Variants in MRPS10 observed in about 807,000 individuals in gnomAD.
MRPS10 encodes mitochondrial ribosomal protein S10.
Under a neutral mutation model 27.5 loss-of-function variants are expected in MRPS10, and 23 were observed. The observed-to-expected ratio is 0.84, with a 90% CI of 0.60 to 1.18. The LOEUF (loss-of-function observed/expected upper bound fraction) is 1.18. MRPS10 is among the 50% of genes most tolerant of loss of function. The probability of loss-of-function intolerance (pLI) is 0.00; values close to 1 mark genes in which losing one functional copy is unlikely to be tolerated. For synonymous variants in MRPS10, 88 were observed against 84.2 expected (o/e 1.04, Z -0.25); for missense variants, 237 against 240.1 (o/e 0.99, Z 0.09).
In MRPS10 at chr6:42,210,590, T is replaced by C. The variant is rs1275942049; in HGVS notation, c.330A>G (p.Glu110=). ...TAAATCGCTCTATTTTCCTTGGAGG[T>C]TCATGTCTGAAATTAATGGACAAAA... is the stretch of plus-strand genomic sequence containing the variant. ...KELGISIKVH[E]PPRKIERFTL... Residue 110 remains glutamate, a synonymous_variant, in exon 5 of 7, where the codon GAA becomes GAG. Coordinates refer to ENST00000053468, the MANE Select transcript of MRPS10 (RefSeq NM_018141.4). The C allele has an allele frequency of 6.9e-7, 1 of 1,455,520 alleles. No individual in the cohort carries two copies. The highest frequency in any genetic ancestry group is 2.5e-5 in the East Asian group (1 of 40,658). The allele number at this position is 1,455,520 out of a possible 1,614,324, so 90.2% of individuals were successfully genotyped here. A position where few individuals can be genotyped will look rare whatever the true frequency, so the allele number is the denominator to read the frequency against.
At chr6:42,212,336 C>A (rs1423044114) in intron 3 of MRPS10, among the ~76,000 whole-genome samples, 1 of 152,206 alleles carries the variant, frequency 6.6e-6, no homozygotes, top group African/African-American at 2.4e-5. Flanking sequence ...CATTAGTTTC[C>A]TCACATATGA....
rs1768622738 is a variant in MRPS10, at chr6:42,207,262, C to G, written c.*1027G>C. Reference sequence around the variant, plus strand: ...TTGAGACGGCGTCTCGCTCTGTCGCCAGGCTGGAGTGCAGTGGCGCGATCT... The same window carrying G: ...TTGAGACGGCGTCTCGCTCTGTCGCGAGGCTGGAGTGCAGTGGCGCGATCT... On this transcript the variant is annotated 3_prime_UTR_variant, in exon 7 of 7. Coordinates refer to ENST00000053468, the MANE Select transcript of MRPS10 (RefSeq NM_018141.4). The G allele has an allele frequency of 6.6e-6, 1 of 151,918 alleles. No homozygotes were observed. The allele number at this position is 151,918 out of a possible 1,614,324, so 9.4% of individuals were successfully genotyped here.
rs1331634248 is a variant in MRPS10, at chr6:42,207,050, T to C, written c.*1239A>G. ...ATGAAGCACTTCTCTGGGGTTGCTA[T>C]ACCAACTGTTTCAGCCCATTGTAGT... is the stretch of plus-strand genomic sequence containing the variant. On this transcript the variant is annotated 3_prime_UTR_variant, in exon 7 of 7. Transcript: ENST00000053468. 6.6e-6 allele frequency: 1 copy of C among 152,176 alleles called. No homozygotes were observed. The highest frequency in any genetic ancestry group is 1.5e-5 in the Non-Finnish European group (1 of 68,006). The allele number at this position is 152,176 out of a possible 1,614,324, so 9.4% of individuals were successfully genotyped here.
intron 1 of MRPS10, among the ~76,000 whole-genome samples, chr6:42,217,443 T>C (rs528163463): frequency 1.3e-5 from 2 of 152,300 alleles, no homozygotes; most frequent in African/African-American, 4.8e-5. Context: ...GAGTCTGATA[T>C]CTTGCACCAG....
At chr6:42,215,848 ACAAAGTG>A (rs1227666992) in intron 1 of MRPS10, among the ~76,000 whole-genome samples, 3 of 152,168 alleles carry the variant, frequency 2.0e-5, no homozygotes, top group African/African-American at 7.2e-5. Flanking sequence ...CAGGTACAAC[ACAAAGTG>A]GTAAGAGGTA....
rs774962004 is a variant in MRPS10, at chr6:42,211,796, C to A, written c.308G>T (p.Gly103Val). ...YFAVLAAKEL[G>V]ISIKVHEPPR... ...CCATACTCACACTTTAATAGAGATACCAAGTTCTTTAGCAGCAAGCACAGC... is the reference window on the plus strand; with the variant it reads ...CCATACTCACACTTTAATAGAGATAACAAGTTCTTTAGCAGCAAGCACAGC... The change falls in exon 4 of 7, where the codon GGT (glycine) becomes GTT (valine). Residue 103 changes from glycine (G) to valine (V), a missense_variant. By Grantham distance (109) the Gly-to-Val change is moderately radical (BLOSUM62 -3). Coordinates refer to ENST00000053468, the MANE Select transcript of MRPS10 (RefSeq NM_018141.4). 5 of 1,613,148 alleles carry A rather than the reference C, an allele frequency of 3.1e-6. No homozygotes were observed. The Admixed American group carries it at 5.0e-5, about 16-fold the overall frequency.
chr6:42,211,037 G>A (rs1421153974), intron 4 of MRPS10, among the ~76,000 whole-genome samples: 2 of 152,182 alleles, frequency 1.3e-5, no homozygotes, highest in African/African-American at 4.8e-5. Context: ...TTCTGTTTTT[G>A]TCAGAAGGCC....
intron 3 of MRPS10, among the ~76,000 whole-genome samples, chr6:42,212,580 C>T (rs937585057): frequency 3.3e-5 from 5 of 152,196 alleles, no homozygotes; most frequent in Non-Finnish European, 7.3e-5. Flanking sequence ...ACCTCTTCCA[C>T]CCTAATACCT....
At chr6:42,216,385 A>AGAGAGTGT in intron 1 of MRPS10, among the ~76,000 whole-genome samples, 1 of 58,702 alleles carries the variant, frequency 1.7e-5, no homozygotes, top group African/African-American at 4.4e-5. Flanking sequence ...AGAGAGAGAG[A>AGAGAGTGT]GTGTGTGTGT....
chr6:42,210,965 TA>T (rs1768755423), intron 4 of MRPS10, among the ~76,000 whole-genome samples: 1 of 152,356 alleles, frequency 6.6e-6, no homozygotes, highest in East Asian at 1.9e-4. Context: ...TCTGTTGTTT[TA>T]GGAAAATCTA....
intron 2 of MRPS10, 30 bp from the exon 3 acceptor site, chr6:42,214,222 A>G: frequency 6.2e-7 from 1 of 1,607,276 alleles, no homozygotes; most frequent in Non-Finnish European, 8.5e-7. Context: ...GAGAAACCTA[A>G]GTAAAATAGC....
chr6:42,210,440 T>G (rs746345448), intron 5 of MRPS10, 48 bp downstream of exon 5: 3 of 911,372 alleles, frequency 3.3e-6, no homozygotes, highest in East Asian at 5.9e-5. Flanking sequence ...TATGCTAGTG[T>G]GAATTTTTGG....
Position 42,207,913 on chromosome 6 carries a change from T to TA in MRPS10, c.*375dup, listed in dbSNP as rs925338459. On this transcript the variant is annotated 3_prime_UTR_variant, in exon 7 of 7. Transcript: ENST00000053468. ...AACCAAAGATTCCTTCTAGGAATCT[T>TA]AAAAAAAAATAAGGGTACGAACACT... The TA allele has an allele frequency of 4.4e-4, 78 of 177,038 alleles. No homozygotes were observed. The highest frequency in any genetic ancestry group is 1.2e-3 in the South Asian group (9 of 7,762). 11.0% of individuals were successfully genotyped at this position (177,038 alleles called of 1,614,324 possible). A position where few individuals can be genotyped will look rare whatever the true frequency, so the allele number is the denominator to read the frequency against.
chr6:42,209,739 C>T (rs116294998), intron 5 of MRPS10, among the ~76,000 whole-genome samples: 7,582 of 96,732 alleles, frequency 0.078, 307 homozygotes, highest in Middle Eastern at 0.23. Context: ...CAGAGTGAGA[C>T]TCTATCTCAA....
chr6:42,217,702 A>G, intron 1 of MRPS10, 100 bp downstream of exon 1: 9 of 1,269,054 alleles, frequency 7.1e-6, no homozygotes, highest in Non-Finnish European at 1.0e-5. Flanking sequence ...TGAGGGATAA[A>G]TATCAGGAAA....
At chr6:42,211,558 G>A (rs1272633027) in intron 4 of MRPS10, among the ~76,000 whole-genome samples, 2 of 151,742 alleles carry the variant, frequency 1.3e-5, no homozygotes, top group Admixed American at 6.6e-5. Flanking sequence ...GCATGCGCCT[G>A]TAGTCCCAGC....
intron 3 of MRPS10, among the ~76,000 whole-genome samples, chr6:42,213,596 G>A (rs1287097350): frequency 1.3e-5 from 2 of 152,156 alleles, no homozygotes; most frequent in South Asian, 2.1e-4. Flanking sequence ...TTATTTTTGA[G>A]GGGTGGAAAT....
At chr6:42,211,451 C>A (rs571504764) in intron 4 of MRPS10, among the ~76,000 whole-genome samples, 1 of 152,082 alleles carries the variant, frequency 6.6e-6, no homozygotes. Context: ...GAAGCTGAGG[C>A]GGGCAATTTG....
At chr6:42,214,423 A>C in intron 1 of MRPS10, 79 bp from the exon 2 acceptor site, 3 of 1,131,988 alleles carry the variant, frequency 2.7e-6, no homozygotes, top group Non-Finnish European at 3.9e-6. Context: ...TAAAAACTAA[A>C]AGGTTACCTC....
Sources: gnomAD v4.1 joint callset for allele counts (sites outside exome capture counted in the v4.1 genomes callset) on GRCh38, gnomAD v4.1.1 for gene constraint, MANE v1.5 for transcripts, NCBI Gene and HGNC (gene_info 2026-07-23, HGNC 2026-07-21) for gene names.